The following RNF212 variants were observed in gnomAD, a reference collection of about 807,000 sequenced individuals.
RNF212 encodes the protein ring finger protein 212.
RNF212 carries 33 observed loss-of-function variants against 34.7 expected under a neutral mutation model. The ratio of observed to expected loss-of-function variants is 0.95; its 90% CI spans 0.72 to 1.27. The LOEUF is 1.27. Ranked by LOEUF, RNF212 falls within the 50% of genes most tolerant of loss-of-function variation. RNF212 has a pLI of 0.00. For synonymous variants in RNF212, 140 were observed against 136.1 expected (o/e 1.03, Z -0.20); for missense variants, 377 against 362.2 (o/e 1.04, Z -0.33).
chr4:1,090,709 G>A, intron 4 of RNF212, 73 bp downstream of exon 4: 1 of 831,424 alleles, frequency 1.2e-6, no homozygotes. Flanking sequence ...AGAGCAAGGT[G>A]TTAATTAACA....
chr4:1,068,455 G>A (rs57992451), downstream of RNF212, among the ~76,000 whole-genome samples: 455 of 152,168 alleles, frequency 3.0e-3, 2 homozygotes, highest in African/African-American at 9.6e-3. Context: ...TGCTTTAAAC[G>A]AGTCTCATCT....
rs1356653282 is a variant in RNF212 at position 1,108,397 on chromosome 4, C to G, written c.117G>C (p.Lys39Asn). 1 of 1,490,900 alleles carries G rather than the reference C, an allele frequency of 6.7e-7. No homozygotes were observed. The highest frequency in any genetic ancestry group is 8.9e-7 in the Non-Finnish European group (1 of 1,124,746). The allele number at this position is 1,490,900 out of a possible 1,614,324, so 92.4% of individuals were successfully genotyped here. A position where few individuals can be genotyped will look rare whatever the true frequency, so the allele number is the denominator to read the frequency against. ...YCDACLGKGKKNECLICKAPC... is the reference protein window; with the variant it reads ...YCDACLGKGKNNECLICKAPC... ...GAGCTTTACAAATCAAGCATTCATTCTTTTTACCTATAAAATAAAAATAGG... is the reference window on the plus strand; with the variant it reads ...GAGCTTTACAAATCAAGCATTCATTGTTTTTACCTATAAAATAAAAATAGG... Residue 39 changes from lysine (K) to asparagine (N), a missense_variant, in exon 2 of 10, where the codon AAG (lysine) becomes AAC (asparagine). Lys to Asn is a moderately conservative substitution (Grantham distance 94). Coordinates refer to ENST00000433731, the MANE Select transcript of RNF212 (RefSeq NM_001131034.4).
At chr4:1,112,639 T>G (rs1725870664) in intron 1 of RNF212, among the ~76,000 whole-genome samples, 1 of 148,846 alleles carries the variant, frequency 6.7e-6, no homozygotes, top group South Asian at 2.1e-4. Flanking sequence ...ACCCGCAGCC[T>G]GCAAGCCAGA....
chr4:1,113,614 C>A, upstream of RNF212: 1 of 533,918 alleles, frequency 1.9e-6, no homozygotes, highest in South Asian at 2.7e-5. Context: ...GGAGCTCGCG[C>A]CCTCCCGCCA....
At position 1,091,084 on chromosome 4, in the gene RNF212, G is replaced by A. The variant is rs1321906769; in HGVS notation, c.247-246C>T. ...GCAACCTGCTCCATTCAAGTTGCGA[G>A]TGGTGCTCTACTGCTGGGCCAATCA... On this transcript the variant is annotated intron_variant, in intron 3 of 9. Coordinates refer to ENST00000433731, the MANE Select transcript of RNF212 (RefSeq NM_001131034.4). Among the ~76,000 whole-genome samples the A allele has an allele frequency of 2.6e-5, 4 of 152,248 alleles. No homozygotes were observed. In the East Asian group the frequency reaches 7.7e-4, roughly 29 times the overall value.
intron 3 of RNF212, among the ~76,000 whole-genome samples, chr4:1,063,505 G>A (rs1470867215): frequency 1.6e-4 from 25 of 152,086 alleles, no homozygotes; most frequent in Admixed American, 1.6e-3. Context: ...GAGGTCAGGA[G>A]TTTGAGACCA....
At chr4:1,081,506 A>G (rs779031825) in intron 6 of RNF212, 39 bp from the exon 7 acceptor site, 1 of 1,610,546 alleles carries the variant, frequency 6.2e-7, no homozygotes, top group Non-Finnish European at 8.5e-7. Context: ...GTCAGTGCAC[A>G]CAGTGTGACT....
At chr4:1,097,278 A>G (rs1165648814) in intron 2 of RNF212, among the ~76,000 whole-genome samples, 2 of 152,164 alleles carry the variant, frequency 1.3e-5, no homozygotes, top group African/African-American at 4.8e-5. Context: ...AAGCAAATGT[A>G]AGGACCTTAA....
At chr4:1,085,718 T>C (rs1577704749) in intron 5 of RNF212, 178 bp downstream of exon 5, 1 of 618,090 alleles carries the variant, frequency 1.6e-6, no homozygotes, top group Non-Finnish European at 2.9e-6. Context: ...TTTGTCTCCC[T>C]TCTTCCCTTC....
At chr4:1,057,502 C>T (rs1717413551) in intron 4 of RNF212, among the ~76,000 whole-genome samples, 1 of 152,240 alleles carries the variant, frequency 6.6e-6, no homozygotes, top group South Asian at 2.1e-4. Context: ...GGGGCTGAGT[C>T]CAGCCTGCCA....
rs771606426 is a variant in RNF212, at chr4:1,081,578, CT to C, written c.403del (p.Ser135ValfsTer39). ...SQQTAFSTIK[S>X]SVSTKPHGCL... Reference sequence around the variant, plus strand: ...ATGATTTTACTTACTTGAAACTGAACTTTTTATTGTGCTGAAAGCTGTTTGT... The same window carrying C: ...ATGATTTTACTTACTTGAAACTGAACTTTTATTGTGCTGAAAGCTGTTTGT... On this transcript the variant is annotated frameshift_variant, in exon 6 of 10. Coordinates refer to ENST00000433731, the MANE Select transcript of RNF212 (RefSeq NM_001131034.4). LOFTEE classifies it high-confidence loss of function. The C allele has an allele frequency of 6.2e-7, 1 of 1,611,138 alleles. No homozygotes were observed. Among genetic ancestry groups the C allele is most frequent in the African/African-American group, 1.3e-5 (1 of 74,932 alleles).
chr4:1,089,813 A>T (rs1295545061), intron 4 of RNF212, among the ~76,000 whole-genome samples: 1 of 152,184 alleles, frequency 6.6e-6, no homozygotes, highest in African/African-American at 2.4e-5. Context: ...CCTGCTGTTA[A>T]TGTAAGACGT....
Position 1,073,061 on chromosome 4 carries a change from A to C in RNF212, c.707T>G (p.Leu236Arg). Residue 236 changes from leucine to arginine, a missense_variant, in exon 10 of 10, where the codon CTC (leucine) becomes CGC (arginine). Transcript: ENST00000433731. Reference sequence around the variant, plus strand: ...GTGCCTTCCAGAACTGAACGCTAGGAGGAGCAGCCAGTGAGGACAGACGTC... The same window carrying C: ...GTGCCTTCCAGAACTGAACGCTAGGCGGAGCAGCCAGTGAGGACAGACGTC... ...CIDVCPHWLL[L>R]LAFSSGRHGE... The C allele has an allele frequency of 6.2e-7, 1 of 1,614,192 alleles. No individual in the cohort carries two copies. Among genetic ancestry groups the C allele is most frequent in the Non-Finnish European group, 8.5e-7 (1 of 1,180,012 alleles).
In RNF212 at chr4:1,073,042, T is replaced by A. The variant is rs775048273; in HGVS notation, c.726A>T (p.Gly242=). 4.3e-6 allele frequency: 7 copies of A among 1,614,128 alleles called. No individual in the cohort carries two copies. The highest frequency in any genetic ancestry group is 5.9e-6 in the Non-Finnish European group (7 of 1,180,012). Residue 242 remains glycine, a synonymous_variant, in exon 10 of 10, where the codon GGA becomes GGT. Coordinates refer to ENST00000433731, the MANE Select transcript of RNF212 (RefSeq NM_001131034.4). ...HWLLLLAFSS[G]RHGELTNSKT... ...TAGAGTTGGTGAGTTCCCCGTGCCTTCCAGAACTGAACGCTAGGAGGAGCA... is the reference window on the plus strand; with the variant it reads ...TAGAGTTGGTGAGTTCCCCGTGCCTACCAGAACTGAACGCTAGGAGGAGCA...
intron 3 of RNF212, among the ~76,000 whole-genome samples, chr4:1,095,952 C>A (rs57096673): frequency 2.2e-5 from 1 of 44,482 alleles, no homozygotes; most frequent in Admixed American, 1.9e-4. Context: ...CTCGGGATAG[C>A]GCACCTGGCT....
At chr4:1,085,463 T>G (rs1233381690) in intron 5 of RNF212, among the ~76,000 whole-genome samples, 1 of 152,210 alleles carries the variant, frequency 6.6e-6, no homozygotes, top group African/African-American at 2.4e-5. Context: ...AGCAGTGCCT[T>G]TATACACAGA....
chr4:1,090,691 C>A (rs995942447), intron 4 of RNF212, 91 bp downstream of exon 4: 6 of 772,608 alleles, frequency 7.8e-6, no homozygotes, highest in African/African-American at 3.5e-5. Context: ...TAGCAGCCAT[C>A]CCCTTTGAGA....
At chr4:1,084,396 C>T (rs1720842792) in intron 5 of RNF212, among the ~76,000 whole-genome samples, 3 of 152,224 alleles carry the variant, frequency 2.0e-5, no homozygotes, top group Admixed American at 2.0e-4. Context: ...TTACAATCTT[C>T]TAGAAATGTA....
chr4:1,098,037 C>G (rs1014649141), intron 2 of RNF212, among the ~76,000 whole-genome samples: 2 of 152,198 alleles, frequency 1.3e-5, no homozygotes, highest in Non-Finnish European at 2.9e-5. Context: ...TGCACTCCAG[C>G]CTGGGCAACA....
Sources: gnomAD v4.1 joint callset for allele counts (sites outside exome capture counted in the v4.1 genomes callset) on GRCh38, gnomAD v4.1.1 for gene constraint, MANE v1.5 for transcripts, NCBI Gene and HGNC (gene_info 2026-07-23, HGNC 2026-07-21) for gene names.